OSBPL5: variants seen among roughly 807,000 people sequenced by gnomAD.
OSBPL5 encodes oxysterol-binding protein-related protein 5.
A neutral mutation model predicts 111.2 loss-of-function variants in OSBPL5; 71 were observed. The observed-to-expected ratio is 0.64, with a 90% confidence interval of 0.53 to 0.78. The LOEUF (loss-of-function observed/expected upper bound fraction) is 0.78, where lower values mean the gene tolerates loss of function less well. Among genes scored for constraint, OSBPL5 ranks in the 30% least tolerant of loss-of-function variants. The pLI is 0.00. For synonymous variants in OSBPL5, 549 were observed against 513.9 expected (o/e 1.07, Z -0.93); for missense variants, 1,210 against 1,189.3 (o/e 1.02, Z -0.26).
chr11:3,088,201 G>A lies in OSBPL5; in HGVS notation c.*4C>T. 1 of 1,579,046 alleles carries A rather than the reference G, an allele frequency of 6.3e-7. No homozygotes were observed. Among genetic ancestry groups the A allele is most frequent in the Non-Finnish European group, 8.6e-7 (1 of 1,160,328 alleles). ...ACCGGCCAGGAGCTCTGCCCTCAGG[G>A]CTCCTATTTGAGGATGTGGTTAATG... On this transcript the variant is annotated 3_prime_UTR_variant, in exon 22 of 22. Transcript: ENST00000263650.
rs917013210 is a variant in OSBPL5, at chr11:3,165,062, G to A, written c.-22+154C>T. On this transcript the variant is annotated intron_variant, in intron 1 of 21. Coordinates refer to ENST00000263650, the MANE Select transcript of OSBPL5 (RefSeq NM_020896.4). The surrounding 1 kb of genome is among the most constrained non-coding windows in gnomAD (Gnocchi z 7.4). ...GTTCCCCGCACTGGCTACTGCCAGG[G>A]TCCGCGGGGCTGCGGCGCGAGCTCC... is the stretch of plus-strand genomic sequence containing the variant. Among the ~76,000 whole-genome samples, 1 of 150,794 alleles carries A rather than the reference G, an allele frequency of 6.6e-6. No homozygotes were observed. The highest frequency in any genetic ancestry group is 1.5e-5 in the Non-Finnish European group (1 of 67,530).
chr11:3,144,977 C>T (rs756742419), intron 1 of OSBPL5, among the ~76,000 whole-genome samples: 7 of 152,258 alleles, frequency 4.6e-5, no homozygotes, highest in Admixed American at 1.3e-4. Flanking sequence ...TTTTGGGGGA[C>T]GCTGTTCAGC....
At chr11:3,096,981 G>GAC (rs1857281119) in intron 14 of OSBPL5, among the ~76,000 whole-genome samples, 7 of 146,426 alleles carry the variant, frequency 4.8e-5, no homozygotes, top group African/African-American at 7.6e-5. Flanking sequence ...AGAGGGGGAA[G>GAC]GTGGGAGGAG....
chr11:3,093,713 CG>C (rs1322899550), intron 16 of OSBPL5, 32 bp downstream of exon 16: 4 of 1,612,438 alleles, frequency 2.5e-6, no homozygotes, highest in Non-Finnish European at 3.4e-6. Context: ...GTTGACCGCC[CG>C]GCCGTGCCTG....
chr11:3,089,926 C>A lies in OSBPL5; in HGVS notation c.2421G>T (p.Arg807=), dbSNP rs1321413654. 2 of 1,561,124 alleles carry A rather than the reference C, an allele frequency of 1.3e-6. No individual in the cohort carries two copies. The highest frequency in any genetic ancestry group is 3.8e-5 in the Admixed American group (2 of 53,132). Residue 807 remains arginine, a synonymous_variant, in exon 21 of 22, where the codon CGG becomes CGT. Transcript: ENST00000263650. The part of the protein sequence containing the change: ...FVPGGESPCP[R]CRKEARRLQA... ...GCAGCCGCCGCGCCTCCTTCCTGCA[C>A]CGAGGGCATGGGCTCTCACCGCCTG...
intron 1 of OSBPL5, among the ~76,000 whole-genome samples, chr11:3,131,490 ATCT>A (rs1858830093): frequency 6.9e-6 from 1 of 145,880 alleles, no homozygotes; most frequent in African/African-American, 2.6e-5. Context: ...CCATCCATCC[ATCT>A]ACCATCCTCC....
chr11:3,103,717 GGCTCTGCTGCCCCTT>G lies in OSBPL5; in HGVS notation c.1245-412_1245-398del, dbSNP rs1420634575. Among the ~76,000 whole-genome samples, 180 of 52,698 alleles carry G rather than the reference GGCTCTGCTGCCCCTT, an allele frequency of 3.4e-3. 2 individuals are homozygous for G. In the Middle Eastern group the frequency reaches 0.041, roughly 12 times the overall value. 34.6% of individuals were successfully genotyped at this position (52,698 alleles called of 152,430 possible). A position where few individuals can be genotyped will look rare whatever the true frequency, so the allele number is the denominator to read the frequency against. On this transcript the variant is annotated intron_variant, in intron 10 of 21. Transcript: ENST00000263650. ...CTTCCAGCCTGCGTACCCCCTTCCA[GGCTCTGCTGCCCCTT>G]CCTGCCTCTGCAACCCTCTTCCAGC...
intron 1 of OSBPL5, among the ~76,000 whole-genome samples, chr11:3,159,718 G>A (rs1202088327): frequency 6.6e-6 from 1 of 152,088 alleles, no homozygotes; most frequent in Admixed American, 6.5e-5. Context: ...GGTGGCCCAG[G>A]ACTATCTGAG....
At position 3,120,549 on chromosome 11, in the gene OSBPL5, G is replaced by T; in HGVS notation, c.478C>A (p.Pro160Thr). The T allele has an allele frequency of 6.2e-7, 1 of 1,613,320 alleles. No homozygotes were observed. The highest frequency in any genetic ancestry group is 1.1e-5 in the South Asian group (1 of 91,086). The change falls in exon 6 of 22, where the codon CCC becomes ACC. Residue 160 changes from proline (P) to threonine (T), a missense_variant. By Grantham distance (38) the Pro-to-Thr change is conservative (BLOSUM62 -1). Transcript: ENST00000263650. ...GTGCCCACCCACTGGCCCACCTTGG[G>T]CGTCTTGTAGATGAGCAGCACCCCC... is the stretch of plus-strand genomic sequence containing the variant. Reference protein sequence around the residue: ...KPGVLLIYKTPKVGQWVGTVL... With the variant: ...KPGVLLIYKTTKVGQWVGTVL...
chr11:3,152,228 G>A (rs1197684646), intron 1 of OSBPL5, among the ~76,000 whole-genome samples: 1 of 152,182 alleles, frequency 6.6e-6, no homozygotes, highest in East Asian at 1.9e-4. Flanking sequence ...TGTAGTCAGT[G>A]GTTCGTGTTC....
intron 1 of OSBPL5, among the ~76,000 whole-genome samples, chr11:3,144,176 C>T (rs1846252175): frequency 6.6e-6 from 1 of 152,142 alleles, no homozygotes; most frequent in Non-Finnish European, 1.5e-5. Flanking sequence ...ACAAAAAACC[C>T]AACGCGGGTG....
In OSBPL5 at chr11:3,162,199, TA is replaced by T. The variant is rs1424489308; in HGVS notation, c.-22+3016del. On this transcript the variant is annotated intron_variant, in intron 1 of 21. Transcript: ENST00000263650. The surrounding 1 kb of genome is among the most constrained non-coding windows in gnomAD (Gnocchi z 8.1). The stretch of plus-strand genomic sequence containing the variant: ...GGCCACGAAAGGGGAGCCTACTAGG[TA>T]GCTGATGTGGAGCTCCAGGCAAGAG... 6.6e-6 allele frequency among the ~76,000 whole-genome samples: 1 copy of T among 151,856 alleles called. No individual in the cohort carries two copies. The highest frequency in any genetic ancestry group is 1.5e-5 in the Non-Finnish European group (1 of 67,952).
In OSBPL5 at chr11:3,093,830, GA is replaced by G; in HGVS notation, c.1724del (p.Phe575SerfsTer58). On this transcript the variant is annotated frameshift_variant, in exon 16 of 22. Transcript: ENST00000263650. LOFTEE classifies it high-confidence loss of function. ...QAQLEFKLKP[F>X]FGGSTSINQI... is the part of the protein sequence containing the mutation. ...GGTTGATGCTGGTGCTACCCCCGAA[GA>G]AGGGCTGCGGGGCCACACCCAGAAC... 6.2e-7 allele frequency: 1 copy of G among 1,611,224 alleles called. No homozygotes were observed. Among genetic ancestry groups the G allele is most frequent in the Non-Finnish European group, 8.5e-7 (1 of 1,179,726 alleles).
intron 1 of OSBPL5, among the ~76,000 whole-genome samples, chr11:3,145,773 C>T (rs1373680146): frequency 4.6e-5 from 7 of 152,208 alleles, no homozygotes; most frequent in Admixed American, 6.5e-5. Context: ...GGGGCCTGGC[C>T]GAACAAGACC....
rs1248600583 is a variant in OSBPL5 at position 3,092,815 on chromosome 11, T to C, written c.2132+52A>G. 23 of 1,474,674 alleles carry C rather than the reference T, an allele frequency of 1.6e-5. No individual in the cohort carries two copies. The East Asian group carries it at 5.5e-4, about 35-fold the overall frequency. The allele number at this position is 1,474,674 out of a possible 1,614,324, so 91.3% of individuals were successfully genotyped here. On this transcript the variant is annotated intron_variant, in intron 18 of 21. Coordinates refer to ENST00000263650, the MANE Select transcript of OSBPL5 (RefSeq NM_020896.4). The surrounding 1 kb of genome is among the most constrained non-coding windows in gnomAD (Gnocchi z 5.4). ...GAGCCCCTGGGCCCTTCTCAGCCCG[T>C]CTGCTAGGCCCAGCCCCACCCTGTG...
At position 3,107,756 on chromosome 11, in the gene OSBPL5, C is replaced by T. The variant is rs776810632; in HGVS notation, c.866+15G>A. 1.2e-6 allele frequency: 2 copies of T among 1,609,886 alleles called. No individual in the cohort carries two copies. The highest frequency in any genetic ancestry group is 3.3e-5 in the Admixed American group (2 of 60,006). ...CGTGAATCACCACCAGCCCCTGTGCCCTCGCCCCACTCACGGGAACAGGTC... is the reference window on the plus strand; with the variant it reads ...CGTGAATCACCACCAGCCCCTGTGCTCTCGCCCCACTCACGGGAACAGGTC... On this transcript the variant is annotated intron_variant, in intron 8 of 21. Transcript: ENST00000263650. The surrounding 1 kb of genome is among the most constrained non-coding windows in gnomAD (Gnocchi z 6.1).
chr11:3,161,323 A>G lies in OSBPL5; in HGVS notation c.-22+3893T>C, dbSNP rs1590742256. ...AGACACCCTAAGGGCTCCATTCCTA[A>G]ATCAGAGATGATGGGACTCTGGGAA... On this transcript the variant is annotated intron_variant, in intron 1 of 21. Coordinates refer to ENST00000263650, the MANE Select transcript of OSBPL5 (RefSeq NM_020896.4). This position sits in a 1 kb window ranked among gnomAD's most constrained non-coding sequence, Gnocchi z 8.0. 6.6e-6 allele frequency: 1 copy of G among 152,358 alleles called. No individual in the cohort carries two copies. Among genetic ancestry groups the G allele is most frequent in the Non-Finnish European group, 1.5e-5 (1 of 68,026 alleles). 9.4% of individuals were successfully genotyped at this position (152,358 alleles called of 1,614,324 possible).
At chr11:3,090,003 G>A (rs1345145420) in intron 20 of OSBPL5, 55 bp from the exon 21 acceptor site, 68 of 1,395,296 alleles carry the variant, frequency 4.9e-5, no homozygotes, top group Admixed American at 9.1e-5. Context: ...AGGATGAGCT[G>A]GAGGTCCAGT....
rs192777402 is a variant in OSBPL5 at position 3,087,912 on chromosome 11, G to T, written c.*293C>A. 4 of 275,556 alleles carry T rather than the reference G, an allele frequency of 1.5e-5. No homozygotes were observed. The highest frequency in any genetic ancestry group is 4.4e-5 in the African/African-American group (2 of 45,680). The allele number at this position is 275,556 out of a possible 1,614,324, so 17.1% of individuals were successfully genotyped here. A position where few individuals can be genotyped will look rare whatever the true frequency, so the allele number is the denominator to read the frequency against. ...CCCATGGCAAGTGGAGGCCGGACAGGGGGTGACACGGCAAGATGGCCAGGA... is the reference window on the plus strand; with the variant it reads ...CCCATGGCAAGTGGAGGCCGGACAGTGGGTGACACGGCAAGATGGCCAGGA... On this transcript the variant is annotated 3_prime_UTR_variant, in exon 22 of 22. Coordinates refer to ENST00000263650, the MANE Select transcript of OSBPL5 (RefSeq NM_020896.4).
Sources: gnomAD v4.1 joint callset for allele counts (sites outside exome capture counted in the v4.1 genomes callset) on GRCh38, gnomAD v4.1.1 for gene constraint, Gnocchi (gnomAD v3.1) non-coding constraint, MANE v1.5 for transcripts, NCBI Gene and HGNC (gene_info 2026-07-23, HGNC 2026-07-21) for gene names.